The following RAD51D variants were observed in gnomAD, a reference collection of about 807,000 sequenced individuals.
RAD51D encodes DNA repair protein RAD51 homolog 4.
Under a neutral mutation model 44.1 loss-of-function variants are expected in RAD51D, and 38 were observed. The ratio of observed to expected loss-of-function variants is 0.86; its 90% CI spans 0.67 to 1.13. The LOEUF (loss-of-function observed/expected upper bound fraction) is 1.13, where lower values mean the gene tolerates loss of function less well. Ranked by LOEUF, RAD51D falls within the 50% of genes most tolerant of loss-of-function variation. RAD51D has a pLI of 0.00. For synonymous variants in RAD51D, 141 were observed against 166.6 expected, an observed-to-expected ratio of 0.85 and a Z score of 1.18; for missense variants, 390 against 414.0, an observed-to-expected ratio of 0.94 and a Z score of 0.50.
At position 35,093,034 on chromosome 17, in the gene RAD51D, G is replaced by A. The variant is rs1384010485; in HGVS notation, c.*7919C>T. The A allele has an allele frequency of 6.6e-6, 1 of 152,218 alleles. No homozygotes were observed. Among genetic ancestry groups the A allele is most frequent in the African/African-American group, 2.4e-5 (1 of 41,450 alleles). The allele number at this position is 152,218 out of a possible 1,614,324, so 9.4% of individuals were successfully genotyped here. On this transcript the variant is annotated 3_prime_UTR_variant, in exon 10 of 10. Coordinates refer to ENST00000345365, the MANE Select transcript of RAD51D (RefSeq NM_002878.4). The stretch of plus-strand genomic sequence containing the variant: ...CTAAGTGCAGAGCCCTGCTAAGCAT[G>A]GGGCTGTGTGACTGCACTGGTCATA...
At chr17:35,107,737 CTTTTT>C (rs34531142) in intron 3 of RAD51D, among the ~76,000 whole-genome samples, 7 of 94,024 alleles carry the variant, frequency 7.4e-5, no homozygotes, top group South Asian at 4.0e-4. Flanking sequence ...TGTGGGTTTC[CTTTTT>C]TTTTTTTTTT....
chr17:35,108,072 G>A (rs1476045256), intron 3 of RAD51D, among the ~76,000 whole-genome samples: 4 of 151,356 alleles, frequency 2.6e-5, no homozygotes, highest in South Asian at 2.1e-4. Flanking sequence ...CCTTGATAGC[G>A]TTTCCCAAAA....
At chr17:35,101,103 G>A in intron 9 of RAD51D, 67 bp from the exon 10 acceptor site, 2 of 1,604,462 alleles carry the variant, frequency 1.2e-6, no homozygotes, top group African/African-American at 1.3e-5. Context: ...TAGTTGCAAG[G>A]TTTCAGCCTC....
chr17:35,102,284 TCTC>T (rs2091548388), intron 8 of RAD51D, among the ~76,000 whole-genome samples: 1 of 151,730 alleles, frequency 6.6e-6, no homozygotes, highest in Non-Finnish European at 1.5e-5. Flanking sequence ...CTCAAGCAAT[TCTC>T]CTGCCACCAA....
At position 35,092,279 on chromosome 17, in the gene RAD51D, T is replaced by C. The variant is rs2091461906; in HGVS notation, c.*8674A>G. On this transcript the variant is annotated 3_prime_UTR_variant, in exon 10 of 10. Transcript: ENST00000345365. ...TTTGCTAAGTACTTTCCAACGCATATTTATGAAGCACAGGCCTTTCCCCAA... is the reference window on the plus strand; with the variant it reads ...TTTGCTAAGTACTTTCCAACGCATACTTATGAAGCACAGGCCTTTCCCCAA... The C allele has an allele frequency of 6.6e-6, 1 of 152,220 alleles. No individual in the cohort carries two copies. Among genetic ancestry groups the C allele is most frequent in the Non-Finnish European group, 1.5e-5 (1 of 68,036 alleles). The allele number at this position is 152,220 out of a possible 1,614,324, so 9.4% of individuals were successfully genotyped here. A position where few individuals can be genotyped will look rare whatever the true frequency, so the allele number is the denominator to read the frequency against.
chr17:35,098,370 G>A lies in RAD51D; in HGVS notation c.*2583C>T, dbSNP rs1245721430. On this transcript the variant is annotated 3_prime_UTR_variant, in exon 10 of 10. Coordinates refer to ENST00000345365, the MANE Select transcript of RAD51D (RefSeq NM_002878.4). ...CCCACTCAGCCTCTCGAGGAGCTGG[G>A]ATTACAGACATGCGCCACGACGCCT... is the stretch of plus-strand genomic sequence containing the variant. The A allele has an allele frequency of 6.6e-6, 1 of 151,334 alleles. No individual in the cohort carries two copies. Among genetic ancestry groups the A allele is most frequent in the African/African-American group, 2.4e-5 (1 of 41,060 alleles). The allele number at this position is 151,334 out of a possible 1,614,324, so 9.4% of individuals were successfully genotyped here. A position where few individuals can be genotyped will look rare whatever the true frequency, so the allele number is the denominator to read the frequency against.
rs1480560160 is a variant in RAD51D, at chr17:35,092,731, T to G, written c.*8222A>C. 7.9e-5 allele frequency: 12 copies of G among 152,196 alleles called. No individual in the cohort carries two copies. The highest frequency in any genetic ancestry group is 1.8e-4 in the Non-Finnish European group (12 of 68,044). The allele number at this position is 152,196 out of a possible 1,614,324, so 9.4% of individuals were successfully genotyped here. On this transcript the variant is annotated 3_prime_UTR_variant, in exon 10 of 10. Transcript: ENST00000345365. ...AGTGTTTTTTGTTTTGTTTTGTTTT[T>G]TTAATGAGAGAGGATGTGTAGGTTA...
At chr17:35,117,980 A>G (rs1323392954) in intron 3 of RAD51D, among the ~76,000 whole-genome samples, 1 of 152,236 alleles carries the variant, frequency 6.6e-6, no homozygotes, top group Non-Finnish European at 1.5e-5. Flanking sequence ...TACCTAGAAC[A>G]TACAGGTAAT....
At chr17:35,116,897 A>T in intron 3 of RAD51D, 3 of 1,596,516 alleles carry the variant, frequency 1.9e-6, no homozygotes, top group South Asian at 1.1e-5. Flanking sequence ...CATCGAAAGC[A>T]TTCAGCGAAA....
chr17:35,109,660 A>G (rs1005826856), intron 3 of RAD51D, among the ~76,000 whole-genome samples: 13 of 151,940 alleles, frequency 8.6e-5, no homozygotes, highest in African/African-American at 2.9e-4. Context: ...CTAATAGTTA[A>G]TAGTGTTGAA....
In RAD51D at chr17:35,103,601, G is replaced by A. The variant is rs2142421757; in HGVS notation, c.577-57C>T. The A allele has an allele frequency of 7.3e-7, 1 of 1,373,368 alleles. No individual in the cohort carries two copies. The highest frequency in any genetic ancestry group is 1.0e-6 in the Non-Finnish European group (1 of 964,730). The allele number at this position is 1,373,368 out of a possible 1,614,324, so 85.1% of individuals were successfully genotyped here. A position where few individuals can be genotyped will look rare whatever the true frequency, so the allele number is the denominator to read the frequency against. On this transcript the variant is annotated intron_variant, in intron 6 of 9. Transcript: ENST00000345365. The surrounding 1 kb of genome is among the most constrained non-coding windows in gnomAD (Gnocchi z 4.1). The stretch of plus-strand genomic sequence containing the variant: ...CTGTCAGCCTCTAGGACACATTACA[G>A]GACAAGCTTGCTTTTCTATCTAAAA...
At position 35,101,322 on chromosome 17, in the gene RAD51D, T is replaced by C. The variant is rs1060502964; in HGVS notation, c.782A>G (p.Lys261Arg). 1 of 1,614,154 alleles carries C rather than the reference T, an allele frequency of 6.2e-7. No individual in the cohort carries two copies. Residue 261 changes from lysine (K) to arginine (R), a missense_variant, in exon 9 of 10, where the codon AAA becomes AGA. By Grantham distance (26) the Lys-to-Arg change is conservative (BLOSUM62 2). Transcript: ENST00000345365. The stretch of plus-strand genomic sequence containing the variant: ...GCTCCAGGAGCGTCCGAGGGCAGGT[T>C]TGAGCCTCCCGCTGTCCCTGTCTCG... ...ITRDRDSGRL[K>R]PALGRSWSFV...
At chr17:35,118,645 G>T in intron 2 of RAD51D, 26 bp from the exon 3 acceptor site, 1 of 1,571,948 alleles carries the variant, frequency 6.4e-7, no homozygotes, top group Non-Finnish European at 8.8e-7. Context: ...AGACTGCTCA[G>T]CAACAAATTG....
intron 6 of RAD51D, among the ~76,000 whole-genome samples, chr17:35,104,223 CCTT>C (rs1171860294): frequency 1.3e-5 from 2 of 152,138 alleles, no homozygotes; most frequent in Non-Finnish European, 2.9e-5. Context: ...GTGGTAAGGC[CCTT>C]CTTTTCCTTT....
At chr17:35,106,865 T>G in intron 5 of RAD51D, 123 bp downstream of exon 5, 1 of 1,424,586 alleles carries the variant, frequency 7.0e-7, no homozygotes, top group Non-Finnish European at 9.9e-7. Flanking sequence ...ATACGAGATG[T>G]ATTAATAGAA....
intron 3 of RAD51D, among the ~76,000 whole-genome samples, chr17:35,109,343 A>G (rs961845482): frequency 5.3e-5 from 8 of 152,246 alleles, no homozygotes; most frequent in African/African-American, 1.9e-4. Context: ...TGGGGCTACT[A>G]TAAATAAAAC....
At position 35,119,032 on chromosome 17, in the gene RAD51D, G is replaced by T. The variant is rs900118046; in HGVS notation, c.144+79C>A. The T allele has an allele frequency of 1.6e-5, 22 of 1,386,126 alleles. No individual in the cohort carries two copies. In the East Asian group the frequency reaches 4.8e-4, roughly 30 times the overall value. The allele number at this position is 1,386,126 out of a possible 1,614,324, so 85.9% of individuals were successfully genotyped here. A position where few individuals can be genotyped will look rare whatever the true frequency, so the allele number is the denominator to read the frequency against. On this transcript the variant is annotated intron_variant, in intron 2 of 9. Transcript: ENST00000345365. ...CCCAAAGTGCTGGGATTACAGGCAT[G>T]AGCCACCGCGCCCAGCTGGCTTGGG...
rs2091788219 is a variant in RAD51D, at chr17:35,119,128, A to G, written c.127T>C (p.Cys43Arg). 1.2e-6 allele frequency: 2 copies of G among 1,613,874 alleles called. No individual in the cohort carries two copies. The highest frequency in any genetic ancestry group is 2.2e-5 in the East Asian group (1 of 44,870). The change falls in exon 2 of 10, where the codon TGT (cysteine) becomes CGT (arginine). Residue 43 changes from cysteine to arginine, a missense_variant. By Grantham distance (180) the Cys-to-Arg change is radical. Coordinates refer to ENST00000345365, the MANE Select transcript of RAD51D (RefSeq NM_002878.4). ...SADLEEVAQK[C>R]GLSYKALVAL... ...GAGCTCACCTTGTAAGACAAGCCAC[A>G]TTTCTGAGCTACCTCTTCCAGGTCT... is the stretch of plus-strand genomic sequence containing the variant.
At chr17:35,114,504 G>C (rs993060588) in intron 3 of RAD51D, among the ~76,000 whole-genome samples, 1 of 150,744 alleles carries the variant, frequency 6.6e-6, no homozygotes, top group Non-Finnish European at 1.5e-5. Context: ...AACACAGCAA[G>C]ACCCCTGTCT....
Sources: gnomAD v4.1 joint callset for allele counts (sites outside exome capture counted in the v4.1 genomes callset) on GRCh38, gnomAD v4.1.1 for gene constraint, Gnocchi (gnomAD v3.1) non-coding constraint, MANE v1.5 for transcripts, NCBI Gene and HGNC (gene_info 2026-07-23, HGNC 2026-07-21) for gene names.